Variants in GSTA5 observed in about 807,000 individuals in gnomAD.
GSTA5 encodes glutathione S-transferase alpha 5.
GSTA5 carries 25 observed loss-of-function variants against 21.8 expected under a neutral mutation model. The ratio of observed to expected loss-of-function variants is 1.14; its 90% CI spans 0.83 to 1.60. GSTA5 has a LOEUF of 1.60. GSTA5 is among the 40% of genes most tolerant of loss of function. The pLI is 0.00. For missense variants in GSTA5, 330 were observed against 259.2 expected (o/e 1.27, Z -1.88); for synonymous variants, 102 against 89.5 (o/e 1.14, Z -0.78).
intron 3 of GSTA5, among the ~76,000 whole-genome samples, 161 bp from the exon 4 acceptor site, chr6:52,834,443 A>G (rs1279510258): frequency 3.3e-5 from 5 of 152,158 alleles, no homozygotes; most frequent in Non-Finnish European, 7.3e-5. Context: ...TTACAGGTAT[A>G]TAGTCATTAT....
At chr6:52,837,493 G>T in intron 2 of GSTA5, 65 bp downstream of exon 2, 2 of 1,045,560 alleles carry the variant, frequency 1.9e-6, no homozygotes, top group Non-Finnish European at 3.0e-6. Context: ...ATTCCTGGCT[G>T]CTCAACGTTC....
At chr6:52,837,882 C>T (rs1764315618) in intron 1 of GSTA5, among the ~76,000 whole-genome samples, 1 of 152,192 alleles carries the variant, frequency 6.6e-6, no homozygotes. Context: ...TGAGAGGGGA[C>T]ATCACTGGAA....
chr6:52,845,504 C>T (rs1414051763), upstream of GSTA5, among the ~76,000 whole-genome samples: 2 of 152,174 alleles, frequency 1.3e-5, no homozygotes, highest in Non-Finnish European at 2.9e-5. Flanking sequence ...CTTAGCTATC[C>T]TGTAGATTGG....
chr6:52,832,739 T>C (rs1405869409), intron 5 of GSTA5, 120 bp downstream of exon 5: 2 of 1,516,076 alleles, frequency 1.3e-6, no homozygotes, highest in Non-Finnish European at 1.8e-6. Context: ...TTTGGAGACC[T>C]TGGGGGCACT....
At chr6:52,834,450 T>C (rs1273941700) in intron 3 of GSTA5, among the ~76,000 whole-genome samples, 168 bp from the exon 4 acceptor site, 1 of 152,210 alleles carries the variant, frequency 6.6e-6, no homozygotes, top group African/African-American at 2.4e-5. Context: ...TATATAGTCA[T>C]TATGTTCTGA....
At chr6:52,844,454 T>C (rs6458881), upstream of GSTA5, among the ~76,000 whole-genome samples, 149,887 of 152,282 alleles carry the variant, frequency 0.98, 73,813 homozygotes, top group East Asian at 1. Context: ...CAGAGTGAGT[T>C]GAAGACTAGT....
rs1248260578 is a variant in GSTA5, at chr6:52,831,817, T to C, written c.*31A>G. The C allele has an allele frequency of 3.1e-6, 5 of 1,612,694 alleles. No homozygotes were observed. In the Admixed American group the frequency reaches 5.0e-5, roughly 16 times the overall value. On this transcript the variant is annotated 3_prime_UTR_variant, in exon 6 of 6. Coordinates refer to ENST00000370989, the Ensembl canonical transcript of GSTA5. The stretch of plus-strand genomic sequence containing the variant: ...TGTTGCAAACTGTAGAATATTGGTC[T>C]GGCATGTTCTTGGCCTCCATAGCTG...
upstream of GSTA5, among the ~76,000 whole-genome samples, chr6:52,842,717 C>T (rs917816932): frequency 3.3e-5 from 5 of 152,140 alleles, no homozygotes; most frequent in African/African-American, 1.2e-4. Flanking sequence ...AACTAATGTA[C>T]TTCTACAAAA....
At chr6:52,832,110 A>G in intron 5 of GSTA5, 140 bp from the exon 6 acceptor site, 2 of 1,179,458 alleles carry the variant, frequency 1.7e-6, no homozygotes, top group Non-Finnish European at 2.3e-6. Context: ...AGAAACAGAC[A>G]CCCAGTGAGA....
chr6:52,843,359 C>T (rs1764409772), upstream of GSTA5, among the ~76,000 whole-genome samples: 1 of 152,194 alleles, frequency 6.6e-6, no homozygotes, highest in Non-Finnish European at 1.5e-5. Flanking sequence ...CTAATTTACA[C>T]TCCCACCAAC....
Position 52,834,283 on chromosome 6 carries a change from C to A in GSTA5, c.273-1G>T. On this transcript the variant is annotated splice_acceptor_variant, in intron 3 of 5. Transcript: ENST00000370989. LOFTEE classifies it high-confidence loss of function. ...TATACCTTCTGTGTACATATCAATC[C>A]TGAAAGACAAAAACAACCAAACCAT... The A allele has an allele frequency of 6.2e-7, 1 of 1,602,550 alleles. No individual in the cohort carries two copies. The highest frequency in any genetic ancestry group is 8.5e-7 in the Non-Finnish European group (1 of 1,175,752).
upstream of GSTA5, among the ~76,000 whole-genome samples, chr6:52,845,407 C>T (rs914311050): frequency 1.1e-4 from 16 of 152,238 alleles, no homozygotes; most frequent in South Asian, 2.1e-4. Flanking sequence ...AGGGCAGGGA[C>T]GCTTAGAAAC....
chr6:52,843,970 C>T (rs1326106517), upstream of GSTA5, among the ~76,000 whole-genome samples: 4 of 152,140 alleles, frequency 2.6e-5, no homozygotes, highest in Middle Eastern at 3.2e-3. Flanking sequence ...CAGAGGTTAC[C>T]GTTGAGCTTT....
At chr6:52,836,078 T>C (rs1346169116) in intron 3 of GSTA5, among the ~76,000 whole-genome samples, 158 bp downstream of exon 3, 2 of 152,178 alleles carry the variant, frequency 1.3e-5, no homozygotes, top group South Asian at 2.1e-4. Flanking sequence ...CACTGTTCCC[T>C]CATCTCCATG....
chr6:52,841,274 A>G (rs1220168230), upstream of GSTA5, among the ~76,000 whole-genome samples: 1 of 152,226 alleles, frequency 6.6e-6, no homozygotes, highest in Non-Finnish European at 1.5e-5. Flanking sequence ...AGAGAAATAC[A>G]ATGTTCACAG....
chr6:52,841,518 G>C (rs1232064937), upstream of GSTA5, among the ~76,000 whole-genome samples: 1 of 152,236 alleles, frequency 6.6e-6, no homozygotes. Flanking sequence ...ACTGTAGCTA[G>C]AAGATCCAAA....
chr6:52,836,396 T>G lies in GSTA5; in HGVS notation c.140-28A>C, dbSNP rs769753442. Reference sequence around the variant, plus strand: ...TAGAAAGAAGAAAAAAAAAGGAGTATGAAGTGTCTATGAAACCCACCCTTT... The same window carrying G: ...TAGAAAGAAGAAAAAAAAAGGAGTAGGAAGTGTCTATGAAACCCACCCTTT... On this transcript the variant is annotated intron_variant, in intron 2 of 5. Transcript: ENST00000370989. 9.9e-6 allele frequency: 16 copies of G among 1,610,100 alleles called. No homozygotes were observed. The Middle Eastern group carries it at 8.2e-4, about 83-fold the overall frequency.
At chr6:52,840,780 C>T in exon 1 of GSTA5, 2 of 1,614,120 alleles carry the variant, frequency 1.2e-6, no homozygotes, top group South Asian at 1.1e-5. Context: ...CTGCCCCGTG[C>T]ATTGGAGTAG....
intron 5 of GSTA5, among the ~76,000 whole-genome samples, chr6:52,832,585 A>T: frequency 6.6e-6 from 1 of 152,310 alleles, no homozygotes; most frequent in African/African-American, 2.4e-5. Flanking sequence ...CCACATTGAA[A>T]TAGAGGGATG....
Sources: gnomAD v4.1 joint callset for allele counts (sites outside exome capture counted in the v4.1 genomes callset) on GRCh38, gnomAD v4.1.1 for gene constraint, MANE v1.5 for transcripts, NCBI Gene and HGNC (gene_info 2026-07-23, HGNC 2026-07-21) for gene names.